The following UNC13C variants were observed in gnomAD, a reference collection of about 807,000 sequenced individuals.
The protein encoded by UNC13C is unc-13 homolog C, also known as protein unc-13 homolog C.
A neutral mutation model predicts 245.4 loss-of-function variants in UNC13C; 174 were observed. That is an observed-to-expected ratio of 0.71 (90% confidence interval 0.63 to 0.80). The LOEUF is 0.80. Among genes scored for constraint, UNC13C ranks in the 30% least tolerant of loss-of-function variants. The probability of loss-of-function intolerance (pLI) is 0.00; values close to 1 mark genes in which losing one functional copy is unlikely to be tolerated. For synonymous variants in UNC13C, 992 were observed against 895.1 expected (o/e 1.11, Z -1.93); for missense variants, 2,829 against 2,602.9 (o/e 1.09, Z -1.89).
chr15:53,880,813 C>T, the UNC13C span, among the ~76,000 whole-genome samples: 1 of 151,996 alleles, frequency 6.6e-6, no homozygotes, highest in Non-Finnish European at 1.5e-5. Flanking sequence ...CTTACTGCCC[C>T]TCCATTGCCT....
rs141824530 is a variant in UNC13C at position 54,431,853 on chromosome 15, T to G, written c.4933+16786T>G. Among the ~76,000 whole-genome samples the G allele has an allele frequency of 2.6e-5, 4 of 151,684 alleles. No individual in the cohort carries two copies. In the East Asian group the frequency reaches 5.9e-4, roughly 22 times the overall value. ...CTTTCTAGAGATCACATTAATCAATTTTTACATTTCAAAATAGCTAGAAGA... is the reference window on the plus strand; with the variant it reads ...CTTTCTAGAGATCACATTAATCAATGTTTACATTTCAAAATAGCTAGAAGA... On this transcript the variant is annotated intron_variant, in intron 19 of 32. Coordinates refer to ENST00000260323, the MANE Select transcript of UNC13C (RefSeq NM_001080534.3).
At chr15:53,948,704 A>G in the UNC13C span, 1 of 151,974 alleles carries the variant, frequency 6.6e-6, no homozygotes, top group African/African-American at 2.4e-5. Flanking sequence ...TTAAATTACA[A>G]AAAGGTTGGA....
chr15:54,397,880 A>G (rs188882571), intron 18 of UNC13C, among the ~76,000 whole-genome samples: 24 of 151,420 alleles, frequency 1.6e-4, no homozygotes, highest in African/African-American at 5.5e-4. Context: ...ATTTAAATAA[A>G]TTATATTCTT....
In UNC13C at chr15:54,532,995, A is replaced by G. The variant is rs891185222; in HGVS notation, c.5625A>G (p.Thr1875=). Residue 1875 remains threonine (T), a synonymous_variant, in exon 26 of 33, where the codon ACA becomes ACG. Transcript: ENST00000260323. ...LNQMRANGNT[T]SNKNSAAMDA... ...AAATGAGAGCAAATGGAAACACCACATCTAATAAGAACAGTGCAGCAATGG... is the reference window on the plus strand; with the variant it reads ...AAATGAGAGCAAATGGAAACACCACGTCTAATAAGAACAGTGCAGCAATGG... 3 of 1,600,584 alleles carry G rather than the reference A, an allele frequency of 1.9e-6. No homozygotes were observed. The highest frequency in any genetic ancestry group is 2.6e-6 in the Non-Finnish European group (3 of 1,172,348).
intron 30 of UNC13C, among the ~76,000 whole-genome samples, chr15:54,611,926 A>C (rs757200934): frequency 6.6e-6 from 1 of 152,124 alleles, no homozygotes; most frequent in African/African-American, 2.4e-5. Flanking sequence ...CTTGCAACAT[A>C]AGTATTTTAC....
chr15:54,483,565 A>C (rs11071086), intron 19 of UNC13C, among the ~76,000 whole-genome samples: 1 of 151,870 alleles, frequency 6.6e-6, no homozygotes, highest in African/African-American at 2.4e-5. Flanking sequence ...GCGCGATCTC[A>C]GCTCACTGCA....
chr15:53,996,732 G>GGTTTATTTT (rs1894651075), intron 1 of UNC13C, among the ~76,000 whole-genome samples: 2 of 151,618 alleles, frequency 1.3e-5, no homozygotes, highest in Admixed American at 6.6e-5. Context: ...ATTCTTTTGT[G>GGTTTATTTT]CCTGGTTTAT....
Position 54,623,973 on chromosome 15 carries a change from T to A in UNC13C, c.6359+19T>A. 1 of 1,612,426 alleles carries A rather than the reference T, an allele frequency of 6.2e-7. No individual in the cohort carries two copies. The highest frequency in any genetic ancestry group is 8.5e-7 in the Non-Finnish European group (1 of 1,178,896). On this transcript the variant is annotated intron_variant, in intron 32 of 32. Transcript: ENST00000260323. ...TTCAGTTGTAAGTCATAAACCCACC[T>A]TACTTATTCTACCAGGCAATAGTTA...
chr15:54,056,639 A>G (rs2141065677), intron 2 of UNC13C, among the ~76,000 whole-genome samples: 1 of 152,220 alleles, frequency 6.6e-6, no homozygotes, highest in Non-Finnish European at 1.5e-5. Context: ...GACAAGAGCA[A>G]CTCCAAGACA....
At chr15:54,351,810 A>G (rs1003335034) in intron 17 of UNC13C, among the ~76,000 whole-genome samples, 1 of 152,092 alleles carries the variant, frequency 6.6e-6, no homozygotes, top group Non-Finnish European at 1.5e-5. Flanking sequence ...TAAGATTTTA[A>G]TTTTAATTTT....
At chr15:54,575,472 C>G (rs961610329) in intron 30 of UNC13C, among the ~76,000 whole-genome samples, 1 of 151,804 alleles carries the variant, frequency 6.6e-6, no homozygotes, top group Admixed American at 6.6e-5. Flanking sequence ...AAACCCTTTT[C>G]TGAAATGGTT....
At chr15:54,503,833 G>C (rs1894343179) in intron 22 of UNC13C, among the ~76,000 whole-genome samples, 1 of 151,972 alleles carries the variant, frequency 6.6e-6, no homozygotes, top group African/African-American at 2.4e-5. Context: ...CTAAGTATTG[G>C]AATCCTTATA....
intron 2 of UNC13C, among the ~76,000 whole-genome samples, chr15:54,075,132 G>A (rs979815366): frequency 2.0e-5 from 3 of 152,078 alleles, no homozygotes; most frequent in African/African-American, 7.2e-5. Flanking sequence ...ACAGTCAAAG[G>A]AAAGGGTGTA....
At chr15:53,878,002 A>C in the UNC13C span, among the ~76,000 whole-genome samples, 1 of 152,272 alleles carries the variant, frequency 6.6e-6, no homozygotes, top group Middle Eastern at 3.4e-3. Context: ...TAGATTCAAC[A>C]TGTTGATCTA....
rs1900127966 is a variant in UNC13C, at chr15:54,100,873, C to T, written c.2984-42145C>T. ...TCATTCTTGCTCACTCCTCTTCTCA[C>T]TCCCCAGCCCATTTTCACAAGCAGA... On this transcript the variant is annotated intron_variant, in intron 2 of 32. Transcript: ENST00000260323. 2.0e-5 allele frequency among the ~76,000 whole-genome samples: 3 copies of T among 152,092 alleles called. No individual in the cohort carries two copies. The South Asian group carries it at 6.2e-4, about 32-fold the overall frequency.
At chr15:54,335,141 T>C (rs1201217685) in intron 16 of UNC13C, among the ~76,000 whole-genome samples, 1 of 152,176 alleles carries the variant, frequency 6.6e-6, no homozygotes, top group Admixed American at 6.6e-5. Context: ...TCTCTTCTAC[T>C]GGTGCAATTG....
At chr15:54,250,583 A>G (rs1039193508) in intron 8 of UNC13C, 139 bp downstream of exon 8, 6 of 719,492 alleles carry the variant, frequency 8.3e-6, no homozygotes, top group African/African-American at 5.4e-5. Context: ...AAAGATACAC[A>G]TACTGTCCAT....
At chr15:54,185,177 T>A (rs914036837) in intron 4 of UNC13C, among the ~76,000 whole-genome samples, 8 of 150,744 alleles carry the variant, frequency 5.3e-5, no homozygotes, top group African/African-American at 9.9e-5. Context: ...TAGCCCTTTG[T>A]CAGATGAGTA....
rs1894090185 is a variant in UNC13C, at chr15:54,499,223, G to T, written c.5061-856G>T. Among the ~76,000 whole-genome samples, 3 of 151,978 alleles carry T rather than the reference G, an allele frequency of 2.0e-5. No homozygotes were observed. The South Asian group carries it at 6.2e-4, about 32-fold the overall frequency. ...GCAGGAGCAAGAGAGAGTGAGGTGG[G>T]ATGTGCTGCACAGTTTTAAATAACC... is the stretch of plus-strand genomic sequence containing the variant. On this transcript the variant is annotated intron_variant, in intron 20 of 32. Transcript: ENST00000260323.
Sources: allele counts gnomAD v4.1 joint callset (sites outside exome capture counted in the v4.1 genomes callset), GRCh38; gene constraint gnomAD v4.1.1; transcripts MANE v1.5; gene names NCBI Gene and HGNC (gene_info 2026-07-23, HGNC 2026-07-21).